Variants in MARCHF10 observed in about 807,000 individuals in gnomAD.
The protein encoded by MARCHF10 is membrane associated ring-CH-type finger 10, also known as probable E3 ubiquitin-protein ligase MARCHF10.
Under a neutral mutation model 76.2 loss-of-function variants are expected in MARCHF10, and 64 were observed. That is an observed-to-expected ratio of 0.84 (90% CI 0.69 to 1.03). The LOEUF is 1.03. Ranked by LOEUF, MARCHF10 falls within the 50% of genes least tolerant of loss-of-function variation. MARCHF10 has a pLI of 0.00. For missense variants in MARCHF10, 875 were observed against 958.0 expected (o/e 0.91, Z 1.14); for synonymous variants, 340 against 357.5 (o/e 0.95, Z 0.55).
intron 3 of MARCHF10, among the ~76,000 whole-genome samples, chr17:62,762,607 C>T (rs763671511): frequency 2.6e-5 from 4 of 152,162 alleles, no homozygotes; most frequent in Non-Finnish European, 5.9e-5. Context: ...AGTGCAATAG[C>T]GCGATCTCGG....
chr17:62,804,552 G>C (rs766593570), intron 1 of MARCHF10, among the ~76,000 whole-genome samples: 1 of 152,184 alleles, frequency 6.6e-6, no homozygotes, highest in African/African-American at 2.4e-5. Flanking sequence ...AATAACCTTG[G>C]TGAGAGCATT....
chr17:62,711,910 T>A lies in MARCHF10; in HGVS notation c.2215-566A>T, dbSNP rs561870052. On this transcript the variant is annotated intron_variant, in intron 8 of 10. Transcript: ENST00000311269. The surrounding 1 kb of genome is among the most constrained non-coding windows in gnomAD (Gnocchi z 4.4). ...TAAGCATTCGTCTTGATCTTGCATA[T>A]CACCTTTTGCACTTGTTAACGTTTC... 6.6e-6 allele frequency among the ~76,000 whole-genome samples: 1 copy of A among 152,322 alleles called. No homozygotes were observed. The highest frequency in any genetic ancestry group is 6.5e-5 in the Admixed American group (1 of 15,300).
At chr17:62,780,682 C>G (rs2092641731) in intron 3 of MARCHF10, among the ~76,000 whole-genome samples, 1 of 152,156 alleles carries the variant, frequency 6.6e-6, no homozygotes, top group Admixed American at 6.5e-5. Flanking sequence ...AAAAAACTGA[C>G]AGTGATCTCT....
intron 8 of MARCHF10, among the ~76,000 whole-genome samples, chr17:62,714,663 A>C (rs1347589329): frequency 6.6e-6 from 1 of 152,218 alleles, no homozygotes; most frequent in African/African-American, 2.4e-5. Flanking sequence ...TTTTGAATCT[A>C]GTGGCTCCAG....
chr17:62,748,648 G>A (rs375229081), intron 4 of MARCHF10, among the ~76,000 whole-genome samples: 1 of 152,096 alleles, frequency 6.6e-6, no homozygotes, highest in African/African-American at 2.4e-5. Context: ...GGAGGCTGAG[G>A]CAAGAGGACC....
intron 1 of MARCHF10, among the ~76,000 whole-genome samples, chr17:62,802,503 A>G (rs911155039): frequency 7.2e-5 from 11 of 152,264 alleles, no homozygotes; most frequent in Non-Finnish European, 1.3e-4. Context: ...TATAGGTGTG[A>G]GCCACCGCAC....
chr17:62,717,319 C>A (rs2090260879), intron 8 of MARCHF10, among the ~76,000 whole-genome samples: 3 of 152,234 alleles, frequency 2.0e-5, no homozygotes, highest in South Asian at 4.1e-4. Flanking sequence ...GCGGGCCTGG[C>A]AGCCTAGCTG....
At chr17:62,732,992 C>CAAAAAA (rs398041783) in intron 6 of MARCHF10, among the ~76,000 whole-genome samples, 3 of 66,538 alleles carry the variant, frequency 4.5e-5, no homozygotes, top group African/African-American at 5.3e-5. Flanking sequence ...GACTCAGTCT[C>CAAAAAA]AAAAAAAAAA....
intron 10 of MARCHF10, among the ~76,000 whole-genome samples, chr17:62,702,517 T>C (rs1308417859): frequency 6.6e-6 from 1 of 151,748 alleles, no homozygotes; most frequent in Non-Finnish European, 1.5e-5. Flanking sequence ...ATACAAAAAA[T>C]TAGCCAGGGG....
At chr17:62,778,672 G>A (rs1188043126) in intron 3 of MARCHF10, among the ~76,000 whole-genome samples, 2 of 125,316 alleles carry the variant, frequency 1.6e-5, no homozygotes. Context: ...GAGAGAACAC[G>A]ACTCTGTCTC....
At chr17:62,751,712 G>T (rs1322000459) in intron 4 of MARCHF10, among the ~76,000 whole-genome samples, 2 of 152,178 alleles carry the variant, frequency 1.3e-5, no homozygotes, top group African/African-American at 2.4e-5. Flanking sequence ...CACAGTTGTA[G>T]CCATCCAGTT....
intron 3 of MARCHF10, among the ~76,000 whole-genome samples, chr17:62,762,066 C>T (rs963903675): frequency 7.9e-5 from 12 of 152,080 alleles, no homozygotes; most frequent in Non-Finnish European, 1.0e-4. Context: ...AGCAGGTGTC[C>T]GCTCAGCTCA....
At chr17:62,715,820 G>A (rs1183388619) in intron 8 of MARCHF10, among the ~76,000 whole-genome samples, 1 of 152,184 alleles carries the variant, frequency 6.6e-6, no homozygotes, top group Non-Finnish European at 1.5e-5. Context: ...AATAATCCGA[G>A]TTCAGTGCCC....
At chr17:62,798,098 T>C (rs1361041791) in intron 2 of MARCHF10, among the ~76,000 whole-genome samples, 1 of 152,148 alleles carries the variant, frequency 6.6e-6, no homozygotes, top group Non-Finnish European at 1.5e-5. Flanking sequence ...CACATATGAC[T>C]CTGATGCTCT....
chr17:62,792,994 C>CCAT (rs2092891836), intron 2 of MARCHF10, among the ~76,000 whole-genome samples: 1 of 149,898 alleles, frequency 6.7e-6, no homozygotes, highest in African/African-American at 2.5e-5. Flanking sequence ...ATCACTACCA[C>CCAT]CACCTCCATC....
At position 62,736,192 on chromosome 17, in the gene MARCHF10, T is replaced by C. The variant is rs2091253804; in HGVS notation, c.1676A>G (p.Tyr559Cys). Residue 559 changes from tyrosine (Y) to cysteine (C), a missense_variant, in exon 6 of 11, where the codon TAT (tyrosine) becomes TGT (cysteine). Physicochemically the swap from Tyr to Cys is radical, Grantham distance 194 (BLOSUM62 -2). Coordinates refer to ENST00000311269, the MANE Select transcript of MARCHF10 (RefSeq NM_152598.4). ...CTGTGGATTTAGTAAGAGATCTGTA[T>C]ATAGTGGAGCCCCCTGAGGCTGGCT... ...LTSQPQGAPLYTDLLLNPQGN... is the reference protein window; with the variant it reads ...LTSQPQGAPLCTDLLLNPQGN... 1 of 1,614,224 alleles carries C rather than the reference T, an allele frequency of 6.2e-7. No homozygotes were observed. The highest frequency in any genetic ancestry group is 2.2e-5 in the East Asian group (1 of 44,890).
chr17:62,750,764 G>A (rs568146490), intron 4 of MARCHF10, among the ~76,000 whole-genome samples: 16 of 152,336 alleles, frequency 1.1e-4, no homozygotes, highest in African/African-American at 2.9e-4. Flanking sequence ...AGTCTCCAGC[G>A]TCCCTGACAG....
intron 4 of MARCHF10, among the ~76,000 whole-genome samples, chr17:62,754,762 T>G (rs2091992617): frequency 6.6e-6 from 1 of 152,062 alleles, no homozygotes; most frequent in Admixed American, 6.6e-5. Flanking sequence ...AGTGGGAGTA[T>G]CCACTTAAAT....
chr17:62,759,715 C>T (rs746702709), intron 4 of MARCHF10, 120 bp downstream of exon 4: 8 of 982,362 alleles, frequency 8.1e-6, no homozygotes, highest in Non-Finnish European at 1.1e-5. Flanking sequence ...AAGTGATCCG[C>T]CGGCCTCAGC....
Sources: gnomAD v4.1 joint callset for allele counts (sites outside exome capture counted in the v4.1 genomes callset) on GRCh38, gnomAD v4.1.1 for gene constraint, Gnocchi (gnomAD v3.1) non-coding constraint, MANE v1.5 for transcripts, NCBI Gene and HGNC (gene_info 2026-07-23, HGNC 2026-07-21) for gene names.